Variants in UBE3D observed in about 807,000 individuals in gnomAD.
UBE3D encodes the protein ubiquitin protein ligase E3D, also known as E3 ubiquitin-protein ligase E3D.
A neutral mutation model predicts 49.6 loss-of-function variants in UBE3D; 48 were observed. The ratio of observed to expected loss-of-function variants is 0.97; its 90% CI spans 0.77 to 1.23. UBE3D has a LOEUF of 1.23. Ranked by LOEUF, UBE3D falls within the 50% of genes most tolerant of loss-of-function variation. The pLI is 0.00. For synonymous variants in UBE3D, 189 were observed against 174.2 expected, an observed-to-expected ratio of 1.08 and a Z score of -0.67; for missense variants, 452 against 468.4, an observed-to-expected ratio of 0.96 and a Z score of 0.32.
At chr6:83,064,634 G>T (rs1373869730) in intron 1 of UBE3D, among the ~76,000 whole-genome samples, 1 of 151,928 alleles carries the variant, frequency 6.6e-6, no homozygotes, top group African/African-American at 2.4e-5. Flanking sequence ...GTAGGGTTTG[G>T]GTTCCTAATT....
intron 8 of UBE3D, among the ~76,000 whole-genome samples, chr6:83,006,542 C>G (rs1318208943): frequency 6.6e-6 from 1 of 152,168 alleles, no homozygotes; most frequent in East Asian, 1.9e-4. Flanking sequence ...AGAGAGAAAA[C>G]AGCCATTTAC....
At chr6:82,895,086 C>G (rs1325251860) in intron 9 of UBE3D, among the ~76,000 whole-genome samples, 1 of 152,112 alleles carries the variant, frequency 6.6e-6, no homozygotes, top group African/African-American at 2.4e-5. Flanking sequence ...CCAAGGCAGG[C>G]AGATGGCTTG....
At chr6:82,885,113 A>G in the UBE3D span, among the ~76,000 whole-genome samples, 1 of 152,142 alleles carries the variant, frequency 6.6e-6, no homozygotes, top group African/African-American at 2.4e-5. Flanking sequence ...AAAACTATGT[A>G]TTCCGTTGTA....
Position 82,892,633 on chromosome 6 carries a change from C to T in UBE3D, c.*389G>A, listed in dbSNP as rs144750595. The stretch of plus-strand genomic sequence containing the variant: ...AAAGTTTATTTCCTAGGATTTACAG[C>T]AGTTAACATTCAGTTCCACCAATAA... On this transcript the variant is annotated 3_prime_UTR_variant, in exon 10 of 10. Transcript: ENST00000369747. 57 of 195,640 alleles carry T rather than the reference C, an allele frequency of 2.9e-4. No individual in the cohort carries two copies. The highest frequency in any genetic ancestry group is 1.2e-3 in the African/African-American group (52 of 42,676). The allele number at this position is 195,640 out of a possible 1,614,324, so 12.1% of individuals were successfully genotyped here.
chr6:82,952,520 G>A (rs1258946361), intron 9 of UBE3D, among the ~76,000 whole-genome samples: 1 of 152,068 alleles, frequency 6.6e-6, no homozygotes, highest in African/African-American at 2.4e-5. Flanking sequence ...GACCTCCAGG[G>A]CTCAAGCAAT....
intron 8 of UBE3D, among the ~76,000 whole-genome samples, chr6:82,996,182 G>A (rs1464163978): frequency 6.6e-6 from 1 of 152,104 alleles, no homozygotes; most frequent in Non-Finnish European, 1.5e-5. Flanking sequence ...AATATAAGGT[G>A]AGTCTGGAGT....
chr6:82,896,258 T>C (rs533265415), intron 9 of UBE3D, among the ~76,000 whole-genome samples: 1 of 152,254 alleles, frequency 6.6e-6, no homozygotes, highest in African/African-American at 2.4e-5. Flanking sequence ...TTTGTTCCAC[T>C]ACACTGAGAA....
intron 2 of UBE3D, among the ~76,000 whole-genome samples, chr6:83,055,880 T>C (rs994407794): frequency 6.6e-6 from 1 of 152,228 alleles, no homozygotes; most frequent in Non-Finnish European, 1.5e-5. Context: ...CACCAGTACA[T>C]ATCTATTCAT....
chr6:83,044,376 C>G, intron 4 of UBE3D, 52 bp downstream of exon 4: 2 of 1,549,916 alleles, frequency 1.3e-6, no homozygotes, highest in Non-Finnish European at 1.8e-6. Flanking sequence ...TTGAAGAAGT[C>G]AGTATCTAAG....
intron 9 of UBE3D, among the ~76,000 whole-genome samples, chr6:82,930,015 G>T (rs1774029686): frequency 6.6e-6 from 1 of 152,094 alleles, no homozygotes; most frequent in Non-Finnish European, 1.5e-5. Context: ...CTCATCTTTA[G>T]TTCCCATAAT....
At chr6:82,978,447 C>T (rs977333223) in intron 8 of UBE3D, among the ~76,000 whole-genome samples, 15 of 152,086 alleles carry the variant, frequency 9.9e-5, no homozygotes, top group African/African-American at 1.2e-4. Context: ...TTTTGCTTTA[C>T]AGGGCTAAAC....
At chr6:83,054,712 C>T (rs1441269802) in intron 2 of UBE3D, among the ~76,000 whole-genome samples, 4 of 151,432 alleles carry the variant, frequency 2.6e-5, no homozygotes, top group Admixed American at 2.0e-4. Flanking sequence ...AGTGCAGTGG[C>T]GCAACCTGGG....
rs539827192 is a variant in UBE3D at position 82,909,509 on chromosome 6, C to A, written c.1150-16467G>T. The stretch of plus-strand genomic sequence containing the variant: ...CTCCAGAGGAGATGCTGCAGAGCTC[C>A]TTCAATATTCTGGCCCTCTCCACAG... On this transcript the variant is annotated intron_variant, in intron 9 of 9. Transcript: ENST00000369747. 2.0e-5 allele frequency among the ~76,000 whole-genome samples: 3 copies of A among 152,294 alleles called. 1 individual carries two copies. Among genetic ancestry groups the A allele is most frequent in the African/African-American group, 7.2e-5 (3 of 41,560 alleles).
intron 3 of UBE3D, among the ~76,000 whole-genome samples, chr6:83,050,978 C>T (rs1181260734): frequency 2.6e-5 from 4 of 152,118 alleles, no homozygotes; most frequent in Non-Finnish European, 4.4e-5. Context: ...TTCATTTCCT[C>T]GGCACCTGCA....
chr6:82,976,383 G>C (rs1777717610), intron 8 of UBE3D, among the ~76,000 whole-genome samples: 1 of 152,122 alleles, frequency 6.6e-6, no homozygotes, highest in Non-Finnish European at 1.5e-5. Flanking sequence ...TCCTGACAGT[G>C]GCTAGCAACT....
At chr6:82,884,261 TCCAAGA>T in the UBE3D span, among the ~76,000 whole-genome samples, 1 of 152,128 alleles carries the variant, frequency 6.6e-6, no homozygotes, top group Non-Finnish European at 1.5e-5. Flanking sequence ...TATTGAAGTT[TCCAAGA>T]CTGTTTCACT....
rs1554184236 is a variant in UBE3D, at chr6:82,918,298, A to AC, written c.1150-25257_1150-25256insG. Among the ~76,000 whole-genome samples the AC allele has an allele frequency of 1.9e-3, 292 of 152,080 alleles. 2 individuals carry two copies. Among genetic ancestry groups the AC allele is most frequent in the African/African-American group, 6.2e-3 (257 of 41,500 alleles). ...AACAACAACAACAACAACAAAAAAA[A>AC]AACAAAAAAATAAACCCTTTCATTT... On this transcript the variant is annotated intron_variant, in intron 9 of 9. Transcript: ENST00000369747.
At chr6:83,049,125 C>T (rs1783283250) in intron 3 of UBE3D, among the ~76,000 whole-genome samples, 1 of 152,022 alleles carries the variant, frequency 6.6e-6, no homozygotes, top group Non-Finnish European at 1.5e-5. Flanking sequence ...AAAATGCATG[C>T]CCCTTTAATA....
the UBE3D span, among the ~76,000 whole-genome samples, chr6:82,885,059 T>G: frequency 3.0e-4 from 45 of 152,124 alleles, no homozygotes; most frequent in African/African-American, 9.4e-4. Context: ...ATGCTTAGAA[T>G]GGGTTGTCAC....
Sources: allele counts gnomAD v4.1 joint callset (sites outside exome capture counted in the v4.1 genomes callset), GRCh38; gene constraint gnomAD v4.1.1; transcripts MANE v1.5; gene names NCBI Gene and HGNC (gene_info 2026-07-23, HGNC 2026-07-21).